Variants in SUPV3L1 observed in about 807,000 individuals in gnomAD.
The protein encoded by SUPV3L1 is Suv3 like RNA helicase.
In SUPV3L1, 35 loss-of-function variants were observed where a neutral mutation model predicts 70.0. The ratio of observed to expected loss-of-function variants is 0.50; its 90% CI spans 0.38 to 0.66. The LOEUF is 0.66. SUPV3L1 is among the 30% of genes least tolerant of loss of function. SUPV3L1 has a pLI of 0.00. For synonymous variants in SUPV3L1, 364 were observed against 341.9 expected (o/e 1.06, Z -0.71); for missense variants, 777 against 961.5 (o/e 0.81, Z 2.54).
In SUPV3L1 at chr10:69,200,567, C is replaced by G. The variant is rs1254369727; in HGVS notation, c.1518+68C>G. ...GTCATTCTTTCCCTCACCCACCATC[C>G]AGACTCTCACCTCAGACACATTTCT... On this transcript the variant is annotated intron_variant, in intron 11 of 14. Coordinates refer to ENST00000359655, the MANE Select transcript of SUPV3L1 (RefSeq NM_003171.5). 3 of 1,319,818 alleles carry G rather than the reference C, an allele frequency of 2.3e-6. No individual in the cohort carries two copies. In the East Asian group the frequency reaches 7.2e-5, roughly 32 times the overall value. 81.8% of individuals were successfully genotyped at this position (1,319,818 alleles called of 1,614,324 possible).
intron 5 of SUPV3L1, 148 bp from the exon 6 acceptor site, chr10:69,191,507 A>T (rs947065063): frequency 3.2e-6 from 2 of 622,224 alleles, no homozygotes; most frequent in Non-Finnish European, 5.7e-6. Context: ...GATTACAGGC[A>T]TGAGCCACCG....
At position 69,194,243 on chromosome 10, in the gene SUPV3L1, T is replaced by G. The variant is rs867082255; in HGVS notation, c.854-945T>G. Among the ~76,000 whole-genome samples the G allele has an allele frequency of 2.0e-5, 3 of 152,254 alleles. No individual in the cohort carries two copies. The South Asian group carries it at 6.2e-4, about 32-fold the overall frequency. On this transcript the variant is annotated intron_variant, in intron 6 of 14. Transcript: ENST00000359655. ...ACTTGGAGCTGGATGTGGTGACTTGTGCCTGTTAATTCTGGCTACTTAAGA... is the reference window on the plus strand; with the variant it reads ...ACTTGGAGCTGGATGTGGTGACTTGGGCCTGTTAATTCTGGCTACTTAAGA...
In SUPV3L1 at chr10:69,203,050, C is replaced by T. The variant is rs762725164; in HGVS notation, c.1776+7C>T. ...GTGTTCTTCACTGTTACAGGTAAGC[C>T]TTTATCTTTAAGCTATTTTGAGTTC... On this transcript the variant is annotated splice_region_variant and intron_variant, in intron 13 of 14. Transcript: ENST00000359655. 1.9e-6 allele frequency: 3 copies of T among 1,596,860 alleles called. No individual in the cohort carries two copies. Among genetic ancestry groups the T allele is most frequent in the African/African-American group, 1.3e-5 (1 of 74,174 alleles).
Position 69,186,535 on chromosome 10 carries a change from A to C in SUPV3L1, c.442A>C (p.Ile148Leu), listed in dbSNP as rs1484133937. The change falls in exon 3 of 15, where the codon ATT becomes CTT. Residue 148 changes from isoleucine (I) to leucine (L), a missense_variant. By Grantham distance (5) the Ile-to-Leu change is conservative. This residue lies in a region of SUPV3L1 where 619 missense variants were observed against 823.3 expected (regional missense o/e 0.75). Coordinates refer to ENST00000359655, the MANE Select transcript of SUPV3L1 (RefSeq NM_003171.5). ...DVDIHIVLNDICFGAAHADDL... is the reference protein window; with the variant it reads ...DVDIHIVLNDLCFGAAHADDL... ...GGACATTCACATTGTTTTGAATGAT[A>C]TTTGCTTCGGTGCAGGCAAGTGTTT... 4.3e-6 allele frequency: 7 copies of C among 1,613,438 alleles called. No individual in the cohort carries two copies. Among genetic ancestry groups the C allele is most frequent in the Admixed American group, 3.3e-5 (2 of 59,952 alleles).
intron 1 of SUPV3L1, among the ~76,000 whole-genome samples, chr10:69,184,652 CTGTG>C (rs1412644322): frequency 1.3e-5 from 2 of 149,662 alleles, no homozygotes; most frequent in Non-Finnish European, 3.0e-5. Context: ...CACACACACA[CTGTG>C]TGTGTATGTG....
Position 69,200,421 on chromosome 10 carries a change from A to AG in SUPV3L1, c.1442dup (p.Glu482ArgfsTer8). The stretch of plus-strand genomic sequence containing the variant: ...GCAGATTCAGCTCACGGTTTAAAGA[A>AG]GGAGAGGTTACAACAATGAATCATG... On this transcript the variant is annotated frameshift_variant, in exon 11 of 15. Coordinates refer to ENST00000359655, the MANE Select transcript of SUPV3L1 (RefSeq NM_003171.5). LOFTEE classifies it high-confidence loss of function. 1 of 1,614,192 alleles carries AG rather than the reference A, an allele frequency of 6.2e-7. No individual in the cohort carries two copies. Among genetic ancestry groups the AG allele is most frequent in the Non-Finnish European group, 8.5e-7 (1 of 1,180,042 alleles).
chr10:69,189,232 T>G (rs747900246), intron 4 of SUPV3L1, 35 bp from the exon 5 acceptor site: 1 of 1,578,078 alleles, frequency 6.3e-7, no homozygotes, highest in Non-Finnish European at 8.6e-7. Context: ...ATTTTGAGGT[T>G]AATGGATTAA....
At position 69,208,767 on chromosome 10, in the gene SUPV3L1, G is replaced by A. The variant is rs1054012662; in HGVS notation, c.2093G>A (p.Arg698Gln). ...GGCTTTCCATCAGGGAGCCAGTCACGATTGTCAGGAACCTTAAAGAGCCAA... is the reference window on the plus strand; with the variant it reads ...GGCTTTCCATCAGGGAGCCAGTCACAATTGTCAGGAACCTTAAAGAGCCAA... ...LEGFPSGSQSRLSGTLKSQAR... is the reference protein window; with the variant it reads ...LEGFPSGSQSQLSGTLKSQAR... The change falls in exon 15 of 15, where the codon CGA (arginine) becomes CAA (glutamine). Residue 698 changes from arginine to glutamine, a missense_variant. Arg to Gln is a conservative substitution (Grantham distance 43, BLOSUM62 1). This residue lies in a region of SUPV3L1 where 619 missense variants were observed against 823.3 expected (regional missense o/e 0.75). Transcript: ENST00000359655. The A allele has an allele frequency of 2.0e-5, 32 of 1,614,048 alleles. No individual in the cohort carries two copies. Among genetic ancestry groups the A allele is most frequent in the African/African-American group, 1.3e-4 (10 of 74,918 alleles).
intron 1 of SUPV3L1, among the ~76,000 whole-genome samples, chr10:69,182,958 T>A (rs368841836): frequency 9.2e-5 from 14 of 152,260 alleles, no homozygotes; most frequent in African/African-American, 2.9e-4. Flanking sequence ...CCTCACTAAT[T>A]CAGTATTCCT....
chr10:69,189,204 C>A, intron 4 of SUPV3L1, 63 bp from the exon 5 acceptor site: 2 of 1,502,276 alleles, frequency 1.3e-6, no homozygotes, highest in Non-Finnish European at 9.0e-7. Flanking sequence ...GTTTCATTTG[C>A]TGTCTTTGCC....
chr10:69,189,512 G>T, intron 5 of SUPV3L1, 77 bp downstream of exon 5: 1 of 1,407,064 alleles, frequency 7.1e-7, no homozygotes, highest in Admixed American at 2.4e-5. Flanking sequence ...GATGTTTGTA[G>T]TAATTTACTG....
At chr10:69,201,951 A>C (rs1313208086) in intron 11 of SUPV3L1, among the ~76,000 whole-genome samples, 2 of 150,584 alleles carry the variant, frequency 1.3e-5, no homozygotes, top group Non-Finnish European at 2.9e-5. Flanking sequence ...AGTGATTCTC[A>C]TGCCTCAGCC....
chr10:69,185,186 C>T (rs1842184557), intron 1 of SUPV3L1, among the ~76,000 whole-genome samples: 1 of 152,190 alleles, frequency 6.6e-6, no homozygotes, highest in South Asian at 2.1e-4. Flanking sequence ...CTGAAATCTG[C>T]TCCCACTGAC....
chr10:69,185,217 C>T (rs571977078), intron 1 of SUPV3L1, among the ~76,000 whole-genome samples: 7 of 152,292 alleles, frequency 4.6e-5, no homozygotes, highest in African/African-American at 1.7e-4. Context: ...CCATCTAGCA[C>T]AAAACAAGTG....
At chr10:69,199,970 G>A (rs920449030) in intron 10 of SUPV3L1, among the ~76,000 whole-genome samples, 3 of 151,996 alleles carry the variant, frequency 2.0e-5, no homozygotes, top group Non-Finnish European at 4.4e-5. Flanking sequence ...TCAGCCCCCC[G>A]AGTACTAGAG....
At chr10:69,188,800 G>C (rs1234235430) in intron 4 of SUPV3L1, among the ~76,000 whole-genome samples, 1 of 152,110 alleles carries the variant, frequency 6.6e-6, no homozygotes, top group Non-Finnish European at 1.5e-5. Flanking sequence ...TGCCTCGCCT[G>C]TACTTGTTTT....
chr10:69,207,944 A>G lies in SUPV3L1; in HGVS notation c.1925+3A>G, dbSNP rs758499108. ...TTGGATCTTTACTTGTGGCTAAGGT[A>G]CCAACATTTTTCCTTTATGTGCTCT... On this transcript the variant is annotated splice_donor_region_variant and intron_variant, in intron 14 of 14. Transcript: ENST00000359655. The G allele has an allele frequency of 1.8e-5, 29 of 1,611,974 alleles. No homozygotes were observed. The highest frequency in any genetic ancestry group is 2.5e-5 in the Non-Finnish European group (29 of 1,179,208).
chr10:69,196,870 G>C, intron 7 of SUPV3L1, 122 bp from the exon 8 acceptor site: 1 of 741,670 alleles, frequency 1.3e-6, no homozygotes, highest in Non-Finnish European at 2.2e-6. Context: ...TAATATTTTT[G>C]AAAATACTTG....
At chr10:69,206,069 A>G (rs1409854700) in intron 13 of SUPV3L1, among the ~76,000 whole-genome samples, 1 of 152,100 alleles carries the variant, frequency 6.6e-6, no homozygotes, top group African/African-American at 2.4e-5. Context: ...CTCTCTCTGC[A>G]TAGCTCCTTA....
Sources: gnomAD v4.1 joint callset for allele counts (sites outside exome capture counted in the v4.1 genomes callset) on GRCh38, gnomAD v4.1.1 for gene constraint, gnomAD v4.1.1 regional missense constraint, MANE v1.5 for transcripts, NCBI Gene and HGNC (gene_info 2026-07-23, HGNC 2026-07-21) for gene names.